ERC2: variants seen among roughly 807,000 people sequenced by gnomAD.
The protein encoded by ERC2 is ERC protein 2.
Under a neutral mutation model 114.8 loss-of-function variants are expected in ERC2, and 42 were observed. That is an observed-to-expected ratio of 0.37 (90% CI 0.29 to 0.47). The LOEUF (loss-of-function observed/expected upper bound fraction) is 0.47. Among genes scored for constraint, ERC2 ranks in the 20% least tolerant of loss-of-function variants. The probability of loss-of-function intolerance (pLI) is 0.99; values close to 1 mark genes in which losing one functional copy is unlikely to be tolerated. For missense variants in ERC2, 939 were observed against 1,150.7 expected, an observed-to-expected ratio of 0.82 and a Z score of 2.66; for synonymous variants, 454 against 425.5, an observed-to-expected ratio of 1.07 and a Z score of -0.82.
At chr3:55,607,537 C>A (rs1305696214) in intron 17 of ERC2, among the ~76,000 whole-genome samples, 1 of 152,032 alleles carries the variant, frequency 6.6e-6, no homozygotes, top group Non-Finnish European at 1.5e-5. Flanking sequence ...TGGTGCTCCT[C>A]CAATGCCCAC....
chr3:55,643,124 C>T (rs1313232052), intron 17 of ERC2, among the ~76,000 whole-genome samples: 1 of 152,156 alleles, frequency 6.6e-6, no homozygotes, highest in Non-Finnish European at 1.5e-5. Flanking sequence ...CCTGACACTG[C>T]TTGGTAGGAT....
intron 7 of ERC2, among the ~76,000 whole-genome samples, chr3:56,047,052 TC>T (rs1180527325): frequency 2.0e-5 from 3 of 152,230 alleles, no homozygotes; most frequent in Non-Finnish European, 4.4e-5. Context: ...GGGCTTCTTT[TC>T]CCAATTAAAT....
rs570324913 is a variant in ERC2 at position 55,862,188 on chromosome 3, A to G, written c.2564+26201T>C. On this transcript the variant is annotated intron_variant, in intron 14 of 17. Transcript: ENST00000288221. The stretch of plus-strand genomic sequence containing the variant: ...GTATTTTATGTATGTGTGTGTGTGT[A>G]TATATATACATATATATTCACACAT... Among the ~76,000 whole-genome samples the G allele has an allele frequency of 3.9e-5, 6 of 152,142 alleles. No homozygotes were observed. The East Asian group carries it at 7.7e-4, about 20-fold the overall frequency.
intron 17 of ERC2, among the ~76,000 whole-genome samples, chr3:55,675,485 T>C (rs1238161463): frequency 1.3e-5 from 2 of 152,210 alleles, no homozygotes; most frequent in African/African-American, 4.8e-5. Flanking sequence ...CCATTCTGAT[T>C]GATACACCTA....
chr3:55,965,276 G>T (rs149227522), intron 12 of ERC2, among the ~76,000 whole-genome samples: 1 of 152,096 alleles, frequency 6.6e-6, no homozygotes. Context: ...CTACTTCTAC[G>T]CTATCCAGTA....
chr3:55,992,431 C>T (rs1002645873), intron 10 of ERC2, among the ~76,000 whole-genome samples, 181 bp from the exon 11 acceptor site: 10 of 152,034 alleles, frequency 6.6e-5, no homozygotes, highest in African/African-American at 2.2e-4. Context: ...TAGAAGAATG[C>T]TGATTTTAAA....
chr3:56,411,338 C>T (rs2060935237), intron 2 of ERC2, among the ~76,000 whole-genome samples: 1 of 151,750 alleles, frequency 6.6e-6, no homozygotes, highest in Non-Finnish European at 1.5e-5. Context: ...GCTTGCCTGC[C>T]TCACCCAACG....
intron 17 of ERC2, among the ~76,000 whole-genome samples, chr3:55,664,631 G>A (rs2061282613): frequency 6.6e-6 from 1 of 152,126 alleles, no homozygotes; most frequent in African/African-American, 2.4e-5. Flanking sequence ...ATCCTGCTTT[G>A]TCTCTGCACA....
At chr3:55,985,666 A>G (rs957954270) in intron 12 of ERC2, among the ~76,000 whole-genome samples, 2 of 152,214 alleles carry the variant, frequency 1.3e-5, no homozygotes, top group African/African-American at 4.8e-5. Context: ...ATCATCCTGC[A>G]GTCAATTTTC....
At chr3:56,425,720 T>C (rs4974141) in intron 2 of ERC2, among the ~76,000 whole-genome samples, 10,445 of 152,112 alleles carry the variant, frequency 0.069, 619 homozygotes, top group East Asian at 0.31. Flanking sequence ...CCATGGCTTG[T>C]TGGGGTGGGG....
intron 2 of ERC2, among the ~76,000 whole-genome samples, chr3:56,353,352 G>A (rs150569222): frequency 6.6e-6 from 1 of 151,982 alleles, no homozygotes; most frequent in East Asian, 1.9e-4. Context: ...TAAAGTAATG[G>A]CTTCGAGAAT....
chr3:56,028,720 T>A (rs1305524439), intron 7 of ERC2, among the ~76,000 whole-genome samples: 2 of 152,052 alleles, frequency 1.3e-5, no homozygotes, highest in African/African-American at 4.8e-5. Context: ...TTTTGTTTCA[T>A]TTTTTGTCCC....
At chr3:55,701,411 C>T (rs569353683) in intron 15 of ERC2, among the ~76,000 whole-genome samples, 42 of 152,228 alleles carry the variant, frequency 2.8e-4, no homozygotes, top group African/African-American at 9.6e-4. Context: ...AAAGAACTTT[C>T]CCATAAAATG....
At chr3:55,816,178 G>A (rs1005201863) in intron 14 of ERC2, among the ~76,000 whole-genome samples, 1 of 152,230 alleles carries the variant, frequency 6.6e-6, no homozygotes, top group African/African-American at 2.4e-5. Context: ...CTTCTCAACA[G>A]TGAATCCCAA....
intron 17 of ERC2, among the ~76,000 whole-genome samples, chr3:55,603,176 A>G (rs1219958659): frequency 6.6e-6 from 1 of 152,202 alleles, no homozygotes; most frequent in Non-Finnish European, 1.5e-5. Context: ...TCTCAAATGA[A>G]AGGCTTCCTA....
chr3:56,130,174 T>A (rs1371077794), intron 6 of ERC2, among the ~76,000 whole-genome samples: 1 of 152,224 alleles, frequency 6.6e-6, no homozygotes, highest in African/African-American at 2.4e-5. Flanking sequence ...CTATAAATTC[T>A]GTGTTGTCTG....
intron 14 of ERC2, among the ~76,000 whole-genome samples, chr3:55,789,293 G>GT: frequency 6.6e-6 from 1 of 152,314 alleles, no homozygotes; most frequent in Admixed American, 6.5e-5. Context: ...TGGATGCCGT[G>GT]TTTTTTCCAA....
chr3:55,934,924 G>A, intron 13 of ERC2, among the ~76,000 whole-genome samples: 1 of 152,172 alleles, frequency 6.6e-6, no homozygotes, highest in Non-Finnish European at 1.5e-5. Context: ...CGGTCTGGGG[G>A]AAAAAAAGAT....
intron 6 of ERC2, among the ~76,000 whole-genome samples, chr3:56,094,646 T>C (rs1040547157): frequency 8.5e-5 from 13 of 152,248 alleles, no homozygotes; most frequent in African/African-American, 3.1e-4. Context: ...ATGATCCAGC[T>C]GTACTGTATT....
Sources: gnomAD v4.1 joint callset for allele counts (sites outside exome capture counted in the v4.1 genomes callset) on GRCh38, gnomAD v4.1.1 for gene constraint, MANE v1.5 for transcripts, NCBI Gene and HGNC (gene_info 2026-07-23, HGNC 2026-07-21) for gene names.